UBE4A: variants seen among roughly 807,000 people sequenced by gnomAD.
UBE4A encodes ubiquitination factor E4A, also known as ubiquitin conjugation factor E4 A.
In UBE4A, 48 loss-of-function variants were observed where a neutral mutation model predicts 117.9. That is an observed-to-expected ratio of 0.41 (90% CI 0.32 to 0.52). The LOEUF (loss-of-function observed/expected upper bound fraction) is 0.52, where lower values mean the gene tolerates loss of function less well. Ranked by LOEUF, UBE4A falls within the 20% of genes least tolerant of loss-of-function variation. The pLI, the probability that UBE4A is intolerant of heterozygous loss-of-function variation, is 0.33. For missense variants in UBE4A, 1,067 were observed against 1,296.3 expected (o/e 0.82, Z 2.72); for synonymous variants, 407 against 450.0 (o/e 0.90, Z 1.21).
intron 9 of UBE4A, 136 bp from the exon 10 acceptor site, chr11:118,376,438 A>G (rs1948653018): frequency 1.6e-6 from 2 of 1,275,624 alleles, no homozygotes; most frequent in East Asian, 2.4e-5. Context: ...CAAAAGATAT[A>G]TTCAGACAAA....
At chr11:118,388,755 CATTAA>C (rs1404915971) in intron 16 of UBE4A, among the ~76,000 whole-genome samples, 1 of 151,584 alleles carries the variant, frequency 6.6e-6, no homozygotes, top group Non-Finnish European at 1.5e-5. Context: ...CCAGTAAAGA[CATTAA>C]ATAAATAACT....
intron 1 of UBE4A, 44 bp from the exon 2 acceptor site, chr11:118,364,996 T>A: frequency 2.8e-6 from 4 of 1,440,814 alleles, no homozygotes; most frequent in Non-Finnish European, 3.7e-6. Flanking sequence ...TTACAGCTAT[T>A]GTGTCATCTG....
At chr11:118,395,226 G>T (rs535599149) in intron 19 of UBE4A, among the ~76,000 whole-genome samples, 1 of 152,054 alleles carries the variant, frequency 6.6e-6, no homozygotes, top group African/African-American at 2.4e-5. Flanking sequence ...CTACTCGGGA[G>T]GCTGAGGCAG....
Position 118,379,542 on chromosome 11 carries a change from T to G in UBE4A, c.1668T>G (p.Asn556Lys). 6.2e-7 allele frequency: 1 copy of G among 1,614,208 alleles called. No homozygotes were observed. Among genetic ancestry groups the G allele is most frequent in the Non-Finnish European group, 8.5e-7 (1 of 1,180,026 alleles). Residue 556 changes from asparagine (N) to lysine (K), a missense_variant, in exon 11 of 20, where the codon AAT (asparagine) becomes AAG (lysine). By Grantham distance (94) the Asn-to-Lys change is moderately conservative. This residue lies in a region of UBE4A where 1,001 missense variants were observed against 1,184.0 expected (regional missense o/e 0.85). Coordinates refer to ENST00000252108, the MANE Select transcript of UBE4A (RefSeq NM_001204077.2). ...AQQSSSPAADNLREQFERLMT... is the reference protein window; with the variant it reads ...AQQSSSPAADKLREQFERLMT... ...AAAGTTCTAGCCCTGCTGCTGACAATCTTCGTGAGCAGTTTGAACGACTGA... is the reference window on the plus strand; with the variant it reads ...AAAGTTCTAGCCCTGCTGCTGACAAGCTTCGTGAGCAGTTTGAACGACTGA...
chr11:118,392,877 T>A lies in UBE4A; in HGVS notation c.3056T>A (p.Ile1019Asn). ...SSRVTVDRST[I>N]ARHLLSDQTD... is the part of the protein sequence containing the mutation. ...AGAGTCACTGTGGATAGATCCACCA[T>A]TGCAAGACATTTGCTCAGGTAGGCC... The change falls in exon 19 of 20, where the codon ATT becomes AAT. Residue 1019 changes from isoleucine to asparagine, a missense_variant. Coordinates refer to ENST00000252108, the MANE Select transcript of UBE4A (RefSeq NM_001204077.2). 1 of 1,613,970 alleles carries A rather than the reference T, an allele frequency of 6.2e-7. No homozygotes were observed. The highest frequency in any genetic ancestry group is 8.5e-7 in the Non-Finnish European group (1 of 1,179,978).
chr11:118,380,858 C>G (rs1320529121), intron 11 of UBE4A, among the ~76,000 whole-genome samples: 1 of 152,102 alleles, frequency 6.6e-6, no homozygotes, highest in African/African-American at 2.4e-5. Context: ...CAGCTGGCTT[C>G]CCCCAGAGCA....
At chr11:118,368,234 T>C (rs1205299452) in intron 2 of UBE4A, among the ~76,000 whole-genome samples, 1 of 152,244 alleles carries the variant, frequency 6.6e-6, no homozygotes, top group Admixed American at 6.5e-5. Context: ...CTATACTATA[T>C]TTTTCTGTAC....
At chr11:118,386,650 A>G (rs1555127329) in intron 16 of UBE4A, 38 bp downstream of exon 16, 2 of 1,490,540 alleles carry the variant, frequency 1.3e-6, no homozygotes, top group Non-Finnish European at 8.9e-7. Context: ...CAAAAAAGTA[A>G]TGGCCAAGAT....
chr11:118,396,362 C>G lies in UBE4A; in HGVS notation c.3123C>G (p.Ile1041Met). 3 of 1,613,830 alleles carry G rather than the reference C, an allele frequency of 1.9e-6. No individual in the cohort carries two copies. Among genetic ancestry groups the G allele is most frequent in the Non-Finnish European group, 2.5e-6 (3 of 1,179,890 alleles). ...FNRSPLTMDQ[I>M]RPNTELKEKI... ...GTAGTCCCCTCACCATGGACCAGAT[C>G]CGGCCAAACACAGAACTAAAAGAAA... Residue 1041 changes from isoleucine (I) to methionine (M), a missense_variant, in exon 20 of 20, where the codon ATC (isoleucine) becomes ATG (methionine). Transcript: ENST00000252108.
chr11:118,382,425 G>A lies in UBE4A; in HGVS notation c.2010-164G>A, dbSNP rs868910017. Reference sequence around the variant, plus strand: ...ACCCTGCATCACCACCCCACCCCCCGCCCAGCCGCACCAAGAAACTGACAA... The same window carrying A: ...ACCCTGCATCACCACCCCACCCCCCACCCAGCCGCACCAAGAAACTGACAA... On this transcript the variant is annotated intron_variant, in intron 12 of 19. Coordinates refer to ENST00000252108, the MANE Select transcript of UBE4A (RefSeq NM_001204077.2). Among the ~76,000 whole-genome samples, 36 of 110,648 alleles carry A rather than the reference G, an allele frequency of 3.3e-4. 1 individual carries two copies. The highest frequency in any genetic ancestry group is 9.4e-3 in the Middle Eastern group (1 of 106). The allele number at this position is 110,648 out of a possible 152,430, so 72.6% of individuals were successfully genotyped here. A position where few individuals can be genotyped will look rare whatever the true frequency, so the allele number is the denominator to read the frequency against.
rs45529532 is a variant in UBE4A at position 118,398,959 on chromosome 11, A to G, written c.*2519A>G. 0.015 allele frequency: 6,490 copies of G among 440,182 alleles called. 67 individuals carry two copies. Among genetic ancestry groups the G allele is most frequent in the Middle Eastern group, 0.036 (101 of 2,828 alleles). 27.3% of individuals were successfully genotyped at this position (440,182 alleles called of 1,614,324 possible). A position where few individuals can be genotyped will look rare whatever the true frequency, so the allele number is the denominator to read the frequency against. On this transcript the variant is annotated 3_prime_UTR_variant, in exon 20 of 20. Transcript: ENST00000252108. ...TTGCTAAGCAGCCATTGCACAGAGC[A>G]TAAGTCTACTGGGTGCCTTTACATG...
intron 16 of UBE4A, among the ~76,000 whole-genome samples, chr11:118,386,992 A>C (rs570920418): frequency 6.6e-6 from 1 of 152,206 alleles, no homozygotes; most frequent in Non-Finnish European, 1.5e-5. Flanking sequence ...TACTCCTTCT[A>C]TAGCTCCACT....
chr11:118,368,689 A>G lies in UBE4A; in HGVS notation c.180A>G (p.Glu60=), dbSNP rs1472134556. Reference sequence around the variant, plus strand: ...ATAGCGTGTCAGAGAGCCTGGATGAATTCGATTACTCTGTGGCTGAGATTA... The same window carrying G: ...ATAGCGTGTCAGAGAGCCTGGATGAGTTCGATTACTCTGTGGCTGAGATTA... The part of the protein sequence containing the change: ...SDNSVSESLD[E]FDYSVAEISR... The change falls in exon 3 of 20, where the codon GAA becomes GAG. Residue 60 remains glutamate (E), a synonymous_variant. Coordinates refer to ENST00000252108, the MANE Select transcript of UBE4A (RefSeq NM_001204077.2). 2 of 1,614,108 alleles carry G rather than the reference A, an allele frequency of 1.2e-6. No homozygotes were observed. The highest frequency in any genetic ancestry group is 4.5e-5 in the East Asian group (2 of 44,896).
intron 19 of UBE4A, among the ~76,000 whole-genome samples, chr11:118,394,501 T>G (rs1555129193): frequency 6.6e-6 from 1 of 152,140 alleles, no homozygotes; most frequent in African/African-American, 2.4e-5. Context: ...CCAGGCACAG[T>G]GGCTCACGTC....
At chr11:118,364,933 A>T in intron 1 of UBE4A, 107 bp from the exon 2 acceptor site, 6 of 1,121,864 alleles carry the variant, frequency 5.3e-6, no homozygotes, top group Non-Finnish European at 7.0e-6. Flanking sequence ...AACCCAAAGT[A>T]TTTTAAAATG....
intron 17 of UBE4A, 76 bp from the exon 18 acceptor site, chr11:118,390,581 T>A: frequency 1.6e-6 from 2 of 1,277,210 alleles, no homozygotes; most frequent in Non-Finnish European, 2.0e-6. Flanking sequence ...AGAATGCTTG[T>A]TCTGCAGCCT....
In UBE4A at chr11:118,389,846, A is replaced by G. The variant is rs782518301; in HGVS notation, c.2709A>G (p.Glu903=). 7.4e-6 allele frequency: 12 copies of G among 1,613,592 alleles called. No individual in the cohort carries two copies. The South Asian group carries it at 1.2e-4, about 16-fold the overall frequency. The part of the protein sequence containing the change: ...MGALKVKDFS[E]FDFKPQQLVS... ...CCTTAAAAGTCAAGGACTTCAGCGA[A>G]TTTGACTTCAAACCCCAGCAGCTTG... The change falls in exon 17 of 20, where the codon GAA becomes GAG. Residue 903 remains glutamate, a synonymous_variant. Transcript: ENST00000252108.
At chr11:118,368,542 A>G (rs1591295214) in intron 2 of UBE4A, 89 bp from the exon 3 acceptor site, 4 of 1,383,196 alleles carry the variant, frequency 2.9e-6, no homozygotes, top group Non-Finnish European at 4.0e-6. Flanking sequence ...TGAAATTATC[A>G]TCTTCTTGGT....
At chr11:118,369,917 G>A (rs566267117) in intron 4 of UBE4A, among the ~76,000 whole-genome samples, 17 of 151,574 alleles carry the variant, frequency 1.1e-4, no homozygotes, top group Non-Finnish European at 2.1e-4. Flanking sequence ...ATGGTGAAAC[G>A]CCGTCTCTAC....
Sources: allele counts gnomAD v4.1 joint callset (sites outside exome capture counted in the v4.1 genomes callset), GRCh38; gene constraint gnomAD v4.1.1; regional missense constraint gnomAD v4.1.1; transcripts MANE v1.5; gene names NCBI Gene and HGNC (gene_info 2026-07-23, HGNC 2026-07-21).